LRRC42: variants seen among roughly 807,000 people sequenced by gnomAD.
LRRC42 encodes the protein leucine-rich repeat-containing protein 42.
Under a neutral mutation model 44.3 loss-of-function variants are expected in LRRC42, and 43 were observed. The ratio of observed to expected loss-of-function variants is 0.97; its 90% CI spans 0.76 to 1.25. The LOEUF is 1.25. Among genes scored for constraint, LRRC42 ranks in the 50% most tolerant of loss-of-function variants. The pLI, the probability that LRRC42 is intolerant of heterozygous loss-of-function variation, is 0.00. For synonymous variants in LRRC42, 207 were observed against 195.2 expected (o/e 1.06, Z -0.50); for missense variants, 540 against 509.1 (o/e 1.06, Z -0.58).
intron 1 of LRRC42, 37 bp downstream of exon 1, chr1:53,946,586 C>T (rs1382612966): frequency 6.7e-6 from 1 of 149,630 alleles, no homozygotes; most frequent in Non-Finnish European, 1.5e-5. Context: ...CTCGCGGGGC[C>T]CCGGGTTGCG....
At position 53,967,676 on chromosome 1, in the gene LRRC42, T is replaced by C; in HGVS notation, c.1024T>C (p.Ser342Pro). The C allele has an allele frequency of 1.2e-6, 2 of 1,613,888 alleles. No homozygotes were observed. Among genetic ancestry groups the C allele is most frequent in the Non-Finnish European group, 1.7e-6 (2 of 1,179,896 alleles). Residue 342 changes from serine to proline, a missense_variant, in exon 9 of 9, where the codon TCT becomes CCT. Ser to Pro is a moderately conservative substitution (Grantham distance 74). Coordinates refer to ENST00000371370, the MANE Select transcript of LRRC42 (RefSeq NM_001256409.2). The stretch of plus-strand genomic sequence containing the variant: ...CCCTTCTGTCACAGATGGGAAGCGG[T>C]CTCGAGCAGAAGCCCCACTGAAGTG... The part of the protein sequence containing the change: ...AAAQRFYGKR[S>P]RAEAPLKCPL...
intron 4 of LRRC42, among the ~76,000 whole-genome samples, chr1:53,958,878 G>T (rs181966509): frequency 1.3e-5 from 2 of 150,882 alleles, no homozygotes; most frequent in African/African-American, 4.9e-5. Flanking sequence ...CAGCCACTGC[G>T]CCTGGCCCTA....
chr1:53,954,305 G>T (rs190342883), intron 3 of LRRC42, among the ~76,000 whole-genome samples: 19 of 152,216 alleles, frequency 1.2e-4, no homozygotes, highest in African/African-American at 4.3e-4. Flanking sequence ...CTGTCTCTGG[G>T]CTATGGTCTC....
At chr1:53,958,442 A>G (rs1387022374) in intron 4 of LRRC42, among the ~76,000 whole-genome samples, 162 bp downstream of exon 4, 1 of 152,218 alleles carries the variant, frequency 6.6e-6, no homozygotes, top group Non-Finnish European at 1.5e-5. Flanking sequence ...TATAAGCAAT[A>G]TAGATTAGAC....
intron 2 of LRRC42, 32 bp from the exon 3 acceptor site, chr1:53,951,954 T>G: frequency 6.6e-7 from 1 of 1,504,200 alleles, no homozygotes; most frequent in South Asian, 1.2e-5. Flanking sequence ...GCATTTTAAT[T>G]GGATTTGCTT....
At chr1:53,953,450 T>C (rs1440871154) in intron 3 of LRRC42, among the ~76,000 whole-genome samples, 8 of 152,180 alleles carry the variant, frequency 5.3e-5, no homozygotes, top group Admixed American at 4.6e-4. Flanking sequence ...AACCTCCAAC[T>C]GCCTGGTTCA....
chr1:53,957,399 A>C (rs367954253), intron 3 of LRRC42, among the ~76,000 whole-genome samples: 9 of 152,286 alleles, frequency 5.9e-5, no homozygotes, highest in African/African-American at 2.2e-4. Flanking sequence ...TAGATGAACC[A>C]CTAGAAAGCA....
In LRRC42 at chr1:53,952,017, CT is replaced by C. The variant is rs1214858613; in HGVS notation, c.19del (p.Ser7GlnfsTer51). 1 of 1,613,860 alleles carries C rather than the reference CT, an allele frequency of 6.2e-7. No homozygotes were observed. Among genetic ancestry groups the C allele is most frequent in the Non-Finnish European group, 8.5e-7 (1 of 1,179,960 alleles). Reference sequence around the variant, plus strand: ...CCAAGGCAATGTCTTACTACCTCAGCTCAGAAAACCACCTGGACCCAGGGCC... The same window carrying C: ...CCAAGGCAATGTCTTACTACCTCAGCCAGAAAACCACCTGGACCCAGGGCC... MSYYLS[S>X]ENHLDPGPIY... is the part of the protein sequence containing the mutation. On this transcript the variant is annotated frameshift_variant, in exon 3 of 9. Transcript: ENST00000371370. LOFTEE classifies it high-confidence loss of function.
chr1:53,966,313 G>C lies in LRRC42; in HGVS notation c.945G>C (p.Glu315Asp). ...GWADQIVLQW[E>D]RVTAEAVKPR... Reference sequence around the variant, plus strand: ...TGTTTCAGATCGTTCTGCAGTGGGAGCGTGTGACTGCGGAAGCTGTGAAGC... The same window carrying C: ...TGTTTCAGATCGTTCTGCAGTGGGACCGTGTGACTGCGGAAGCTGTGAAGC... The change falls in exon 8 of 9, where the codon GAG becomes GAC. Residue 315 changes from glutamate (E) to aspartate (D), a missense_variant. Physicochemically the swap from Glu to Asp is conservative, Grantham distance 45. Transcript: ENST00000371370. The C allele has an allele frequency of 6.2e-7, 1 of 1,613,462 alleles. No homozygotes were observed. The highest frequency in any genetic ancestry group is 8.5e-7 in the Non-Finnish European group (1 of 1,179,362).
At position 53,960,702 on chromosome 1, in the gene LRRC42, C is replaced by T. The variant is rs138320858; in HGVS notation, c.724+228C>T. Among the ~76,000 whole-genome samples the T allele has an allele frequency of 4.2e-4, 64 of 152,266 alleles. 1 individual carries two copies. Among genetic ancestry groups the T allele is most frequent in the Non-Finnish European group, 6.8e-4 (46 of 68,008 alleles). ...AGGGTAGGAAAAACCCTTACACATT[C>T]ATCCATGCCACTCGCTGTGTGCAAA... On this transcript the variant is annotated intron_variant, in intron 5 of 8. Coordinates refer to ENST00000371370, the MANE Select transcript of LRRC42 (RefSeq NM_001256409.2).
chr1:53,955,792 C>T (rs540424309), intron 3 of LRRC42, among the ~76,000 whole-genome samples: 1 of 152,038 alleles, frequency 6.6e-6, no homozygotes, highest in African/African-American at 2.4e-5. Context: ...CCACGCCCGG[C>T]TGATTTTTTG....
chr1:53,967,666 T>G lies in LRRC42; in HGVS notation c.1014T>G (p.Tyr338Ter). The G allele has an allele frequency of 6.2e-7, 1 of 1,612,878 alleles. No individual in the cohort carries two copies. Among genetic ancestry groups the G allele is most frequent in the South Asian group, 1.1e-5 (1 of 91,046 alleles). Residue 338 changes from tyrosine (Y) to a stop codon, truncating the protein, a stop_gained and splice_region_variant, in exon 9 of 9, where the codon TAT becomes TAG. Transcript: ENST00000371370. LOFTEE classifies it high-confidence loss of function. ...CATCATCCCTCCCTTCTGTCACAGA[T>G]GGGAAGCGGTCTCGAGCAGAAGCCC... ...SEPRAAAQRFYGKRSRAEAPL... is the reference protein window; with the variant it reads ...SEPRAAAQRF
intron 2 of LRRC42, among the ~76,000 whole-genome samples, chr1:53,951,022 G>A (rs1654662779): frequency 6.6e-6 from 1 of 152,232 alleles, no homozygotes; most frequent in Non-Finnish European, 1.5e-5. Context: ...CCAGGACACT[G>A]TGTTATAGAG....
intron 3 of LRRC42, 37 bp from the exon 4 acceptor site, chr1:53,958,112 T>C (rs1296274154): frequency 6.2e-7 from 1 of 1,611,182 alleles, no homozygotes; most frequent in Non-Finnish European, 8.5e-7. Flanking sequence ...TTAAGAGTAG[T>C]GAGGGGAAGC....
chr1:53,949,085 AG>A (rs1410851588), intron 2 of LRRC42, among the ~76,000 whole-genome samples: 2 of 152,218 alleles, frequency 1.3e-5, no homozygotes, highest in South Asian at 2.1e-4. Context: ...GGTAATCTAA[AG>A]AAAAACAAAC....
intron 7 of LRRC42, among the ~76,000 whole-genome samples, chr1:53,965,849 C>T (rs1655117056): frequency 6.6e-6 from 1 of 152,106 alleles, no homozygotes; most frequent in Non-Finnish European, 1.5e-5. Flanking sequence ...AAAAACTGAT[C>T]ATGGTATGTT....
At chr1:53,953,192 A>G (rs1654741422) in intron 3 of LRRC42, among the ~76,000 whole-genome samples, 1 of 152,232 alleles carries the variant, frequency 6.6e-6, no homozygotes, top group African/African-American at 2.4e-5. Context: ...TCCAGAGACC[A>G]AATGCTGTTA....
intron 4 of LRRC42, among the ~76,000 whole-genome samples, chr1:53,958,664 G>A (rs180745576): frequency 2.6e-5 from 4 of 152,204 alleles, no homozygotes; most frequent in East Asian, 1.9e-4. Context: ...TCAGCTCACC[G>A]CAACCTCCAC....
intron 3 of LRRC42, among the ~76,000 whole-genome samples, chr1:53,955,777 C>T (rs1232315676): frequency 6.6e-6 from 1 of 151,786 alleles, no homozygotes; most frequent in Admixed American, 6.6e-5. Context: ...TACAGGTGCC[C>T]ACCACCACGC....
Sources: allele counts gnomAD v4.1 joint callset (sites outside exome capture counted in the v4.1 genomes callset), GRCh38; gene constraint gnomAD v4.1.1; transcripts MANE v1.5; gene names NCBI Gene and HGNC (gene_info 2026-07-23, HGNC 2026-07-21).